The following INSR variants were observed in gnomAD, a reference collection of about 807,000 sequenced individuals.
INSR encodes the protein IR.
INSR carries 67 observed loss-of-function variants against 142.6 expected under a neutral mutation model. The ratio of observed to expected loss-of-function variants is 0.47; its 90% CI spans 0.39 to 0.58. The LOEUF (loss-of-function observed/expected upper bound fraction) is 0.58. INSR is among the 20% of genes least tolerant of loss of function. The pLI is 0.00. For synonymous variants in INSR, 756 were observed against 743.1 expected (o/e 1.02, Z -0.28); for missense variants, 1,248 against 1,833.2 (o/e 0.68, Z 5.83).
chr19:7,115,267 C>T lies in INSR; in HGVS notation c.*1789G>A, dbSNP rs1289841041. 1.3e-5 allele frequency: 2 copies of T among 152,184 alleles called. No homozygotes were observed. Among genetic ancestry groups the T allele is most frequent in the African/African-American group, 4.8e-5 (2 of 41,460 alleles). 9.4% of individuals were successfully genotyped at this position (152,184 alleles called of 1,614,324 possible). ...TTGATGAACCAAAGTGATGAGTTCA[C>T]TGTGTTCTTTGAGCAGCTGTGGTGG... On this transcript the variant is annotated 3_prime_UTR_variant, in exon 22 of 22. Coordinates refer to ENST00000302850, the MANE Select transcript of INSR (RefSeq NM_000208.4).
At chr19:7,218,510 T>A (rs112187716) in intron 2 of INSR, among the ~76,000 whole-genome samples, 4,488 of 150,300 alleles carry the variant, frequency 0.03, 208 homozygotes, top group African/African-American at 0.1. Flanking sequence ...GTTTTTTCTG[T>A]TTGTTTGTTT....
chr19:7,271,040 C>T (rs1365837960), intron 1 of INSR, among the ~76,000 whole-genome samples: 8 of 151,028 alleles, frequency 5.3e-5, no homozygotes, highest in South Asian at 2.1e-4. Context: ...CCAGCCTGGG[C>T]GATGGAGCAA....
chr19:7,184,796 T>C (rs1259270763), intron 2 of INSR, among the ~76,000 whole-genome samples, 159 bp from the exon 3 acceptor site: 2 of 139,128 alleles, frequency 1.4e-5, no homozygotes, highest in Non-Finnish European at 3.2e-5. Flanking sequence ...GCGGCACGTC[T>C]ACATCATTAC....
intron 2 of INSR, among the ~76,000 whole-genome samples, chr19:7,266,902 C>A (rs1967749591): frequency 6.6e-6 from 1 of 152,048 alleles, no homozygotes; most frequent in Non-Finnish European, 1.5e-5. Context: ...CAGATAAGAA[C>A]TAAACTATTT....
At chr19:7,198,937 G>C (rs1186935406) in intron 2 of INSR, among the ~76,000 whole-genome samples, 1 of 151,940 alleles carries the variant, frequency 6.6e-6, no homozygotes, top group African/African-American at 2.4e-5. Flanking sequence ...AGGCTGGAGT[G>C]CAGTGGTGTG....
At chr19:7,182,878 T>A (rs1974310597) in intron 3 of INSR, among the ~76,000 whole-genome samples, 1 of 142,536 alleles carries the variant, frequency 7.0e-6, no homozygotes, top group African/African-American at 2.6e-5. Flanking sequence ...AGGAATATGG[T>A]CATTTCCTCA....
intron 2 of INSR, among the ~76,000 whole-genome samples, chr19:7,208,244 T>G (rs1975171353): frequency 1.3e-5 from 2 of 152,162 alleles, no homozygotes; most frequent in African/African-American, 4.8e-5. Flanking sequence ...CACCTCACCT[T>G]GAACTTCCCA....
intron 2 of INSR, among the ~76,000 whole-genome samples, chr19:7,227,956 A>G (rs920796865): frequency 6.6e-6 from 1 of 151,940 alleles, no homozygotes; most frequent in Non-Finnish European, 1.5e-5. Context: ...CAACACAGAA[A>G]CCAGGGTAGC....
chr19:7,271,083 G>A (rs999987188), intron 1 of INSR, among the ~76,000 whole-genome samples: 1 of 151,808 alleles, frequency 6.6e-6, no homozygotes, highest in African/African-American at 2.4e-5. Context: ...AGAAAAAAAG[G>A]AAAGATTAAC....
intron 2 of INSR, among the ~76,000 whole-genome samples, chr19:7,264,198 G>A (rs1977152625): frequency 1.3e-5 from 2 of 151,396 alleles, no homozygotes; most frequent in African/African-American, 4.9e-5. Flanking sequence ...GTAGCCGGAT[G>A]TGGTGACACC....
intron 2 of INSR, among the ~76,000 whole-genome samples, chr19:7,233,668 C>CTTTTTTTTTTTTTTTTTTTTTTTTTT (rs35763064): frequency 4.1e-5 from 3 of 72,408 alleles, no homozygotes; most frequent in African/African-American, 5.7e-5. Context: ...CTTTTTCTGT[C>CTTTTTTTTTTTTTTTTTTTTTTTTTT]TTTTTTTTTT....
Position 7,174,675 on chromosome 19 carries a change from C to T in INSR, c.1031G>A (p.Gly344Asp). The change falls in exon 4 of 22, where the codon GGC becomes GAC. Residue 344 changes from glycine to aspartate, a missense_variant. Physicochemically the swap from Gly to Asp is moderately conservative, Grantham distance 94. Around this residue, in one of 3 missense-constraint regions of INSR, gnomAD observed 1,069 missense variants for 1,654.0 expected, o/e 0.65. Coordinates refer to ENST00000302850, the MANE Select transcript of INSR (RefSeq NM_000208.4). Reference sequence around the variant, plus strand: ...CGTCACCGAGTCGATGGTCTTCTCGCCTTCTAGGAGGTGGCACACCTTGGG... The same window carrying T: ...CGTCACCGAGTCGATGGTCTTCTCGTCTTCTAGGAGGTGGCACACCTTGGG... ...PCPKVCHLLE[G>D]EKTIDSVTSA... 6.2e-7 allele frequency: 1 copy of T among 1,613,978 alleles called. No individual in the cohort carries two copies. The highest frequency in any genetic ancestry group is 8.5e-7 in the Non-Finnish European group (1 of 1,179,976).
Position 7,116,721 on chromosome 19 carries a change from A to T in INSR, c.*335T>A. ...CCAGCAAAAAAAAAAAAAAAAAAAA[A>T]GAATTTGTAAAAACAGGTGCTTTCT... On this transcript the variant is annotated 3_prime_UTR_variant, in exon 22 of 22. Transcript: ENST00000302850. The T allele has an allele frequency of 1.2e-5, 2 of 162,648 alleles. No homozygotes were observed. The highest frequency in any genetic ancestry group is 1.3e-5 in the Non-Finnish European group (1 of 77,596). The allele number at this position is 162,648 out of a possible 1,614,324, so 10.1% of individuals were successfully genotyped here. A position where few individuals can be genotyped will look rare whatever the true frequency, so the allele number is the denominator to read the frequency against.
intron 1 of INSR, among the ~76,000 whole-genome samples, chr19:7,281,508 C>A (rs1036996584): frequency 1.7e-5 from 2 of 117,126 alleles, no homozygotes; most frequent in African/African-American, 2.7e-5. Flanking sequence ...GACCCTGTCT[C>A]TGCAAAAAAT....
At chr19:7,154,735 C>G (rs888500606) in intron 9 of INSR, among the ~76,000 whole-genome samples, 1 of 151,794 alleles carries the variant, frequency 6.6e-6, no homozygotes, top group Non-Finnish European at 1.5e-5. Context: ...ACCATCCTAG[C>G]CAACATGGCG....
chr19:7,285,994 T>C (rs559350275), intron 1 of INSR, among the ~76,000 whole-genome samples: 3 of 152,334 alleles, frequency 2.0e-5, no homozygotes, highest in Admixed American at 1.3e-4. Flanking sequence ...TTTGTTGTTG[T>C]TGTTGTTACA....
In INSR at chr19:7,237,832, AAAATT is replaced by A. The variant is rs56653623; in HGVS notation, c.652+29508_652+29512del. On this transcript the variant is annotated intron_variant, in intron 2 of 21. Transcript: ENST00000302850. ...CTCCATCTCAAAAAAATAAATAAATAAAATTAAATTAAATTAAATTAAATTAAATT... is the reference window on the plus strand; with the variant it reads ...CTCCATCTCAAAAAAATAAATAAATAAAATTAAATTAAATTAAATTAAATT... Among the ~76,000 whole-genome samples the A allele has an allele frequency of 1.2e-3, 170 of 146,806 alleles. 1 individual carries two copies. Among genetic ancestry groups the A allele is most frequent in the African/African-American group, 4.2e-3 (164 of 38,604 alleles).
intron 9 of INSR, among the ~76,000 whole-genome samples, chr19:7,155,584 G>T (rs77615425): frequency 2.1e-5 from 3 of 146,026 alleles, no homozygotes; most frequent in South Asian, 2.2e-4. Flanking sequence ...TAGCTGGAAG[G>T]GGGTGAGAGA....
chr19:7,272,537 G>A (rs1390939316), intron 1 of INSR, among the ~76,000 whole-genome samples: 1 of 152,098 alleles, frequency 6.6e-6, no homozygotes, highest in Non-Finnish European at 1.5e-5. Flanking sequence ...AGAATGGCTT[G>A]AACCTAGGAG....
Sources: gnomAD v4.1 joint callset for allele counts (sites outside exome capture counted in the v4.1 genomes callset) on GRCh38, gnomAD v4.1.1 for gene constraint, gnomAD v4.1.1 regional missense constraint, MANE v1.5 for transcripts, NCBI Gene and HGNC (gene_info 2026-07-23, HGNC 2026-07-21) for gene names.